CHD3: variants seen among roughly 807,000 people sequenced by gnomAD.
The protein encoded by CHD3 is ATP-dependent chromatin remodeler CHD3.
CHD3 carries 52 observed loss-of-function variants against 248.9 expected under a neutral mutation model. The observed-to-expected ratio is 0.21, with a 90% confidence interval of 0.17 to 0.26. The LOEUF is 0.26. CHD3 is among the 10% of genes least tolerant of loss of function. The pLI is 1.00. For synonymous variants in CHD3, 985 were observed against 985.2 expected (o/e 1.00, Z 0.00); for missense variants, 1,482 against 2,605.8 (o/e 0.57, Z 9.39).
At chr17:7,887,822 T>C (rs1968205264), upstream of CHD3, among the ~76,000 whole-genome samples, 1 of 152,232 alleles carries the variant, frequency 6.6e-6, no homozygotes, top group African/African-American at 2.4e-5. Context: ...CAGGCCAGCA[T>C]TGAGTGGCTG....
At position 7,901,188 on chromosome 17, in the gene CHD3, A is replaced by T. The variant is rs1970255910; in HGVS notation, c.3121-56A>T. ...ATCTGGCCTTCTAGGTGTGGCAAGA[A>T]TATGGGGGCATGTTTCCAACTGACC... On this transcript the variant is annotated intron_variant, in intron 19 of 39. Transcript: ENST00000330494. The T allele has an allele frequency of 1.4e-5, 22 of 1,551,746 alleles. No homozygotes were observed. The South Asian group carries it at 1.5e-4, about 10-fold the overall frequency.
chr17:7,890,296 T>C (rs1432896345), intron 2 of CHD3: 1 of 291,616 alleles, frequency 3.4e-6, no homozygotes, highest in Non-Finnish European at 6.4e-6. Context: ...CCGGGCGCGG[T>C]GGTACGTCTG....
rs778672721 is a variant in CHD3, at chr17:7,889,070, C to T, written c.70C>T (p.Pro24Ser). Reference sequence around the variant, plus strand: ...TGACCAGCTGAGGATTTCTTTTCCTCCAGGACTGTGTTGGGGTGACAGGAT... The same window carrying T: ...TGACCAGCTGAGGATTTCTTTTCCTTCAGGACTGTGTTGGGGTGACAGGAT... ...KNDQLRISFP[P>S]GLCWGDRMPD... Residue 24 changes from proline (P) to serine (S), a missense_variant, in exon 1 of 40, where the codon CCA becomes TCA. Pro to Ser is a moderately conservative substitution (Grantham distance 74). This residue lies in a region of CHD3 where 169 missense variants were observed against 168.1 expected (regional missense o/e 1.01). Transcript: ENST00000330494. This position sits in a 1 kb window ranked among gnomAD's most constrained non-coding sequence, Gnocchi z 4.5. The T allele has an allele frequency of 2.0e-5, 32 of 1,614,208 alleles. No homozygotes were observed. The highest frequency in any genetic ancestry group is 5.5e-5 in the South Asian group (5 of 91,088).
At chr17:7,885,008 C>G (rs1331959018), upstream of CHD3, 6 of 1,238,384 alleles carry the variant, frequency 4.8e-6, no homozygotes, top group Non-Finnish European at 6.1e-6. Flanking sequence ...CCACAGCCCC[C>G]CCGGCTGCCA....
rs1969801749 is a variant in CHD3, at chr17:7,897,278, C to T, written c.1903C>T (p.Arg635Cys). 2 of 1,613,572 alleles carry T rather than the reference C, an allele frequency of 1.2e-6. No homozygotes were observed. The highest frequency in any genetic ancestry group is 1.3e-5 in the African/African-American group (1 of 75,022). Residue 635 changes from arginine to cysteine, a missense_variant, in exon 11 of 40, where the codon CGC (arginine) becomes TGC (cysteine). Transcript: ENST00000330494. The surrounding 1 kb of genome is among the most constrained non-coding windows in gnomAD (Gnocchi z 4.8). ...CAAGCCAGAGTGGATGACCGTCCAC[C>T]GCATCATCAACCACAGGTGAATCCT... ...GIKPEWMTVH[R>C]IINHSVDKKG... is the part of the protein sequence containing the mutation.
chr17:7,894,177 C>T lies in CHD3; in HGVS notation c.987C>T (p.Gly329=). ...CTGAGGAATCAGACCTGGACAGTGG[C>T]AGTGTCCACAGTGCCTCAGGCCGGC... The part of the protein sequence containing the change: ...PEAEESDLDS[G]SVHSASGRPD... The change falls in exon 7 of 40, where the codon GGC becomes GGT. Residue 329 remains glycine, a synonymous_variant. Coordinates refer to ENST00000330494, the MANE Select transcript of CHD3 (RefSeq NM_001005273.3). 2.5e-6 allele frequency: 4 copies of T among 1,614,196 alleles called. No homozygotes were observed. Among genetic ancestry groups the T allele is most frequent in the African/African-American group, 1.3e-5 (1 of 75,044 alleles).
In CHD3 at chr17:7,905,027, A is replaced by G. The variant is rs1193815592; in HGVS notation, c.4073-73A>G. 2.9e-6 allele frequency: 4 copies of G among 1,365,920 alleles called. No individual in the cohort carries two copies. The highest frequency in any genetic ancestry group is 4.2e-6 in the Non-Finnish European group (4 of 955,360). The allele number at this position is 1,365,920 out of a possible 1,614,324, so 84.6% of individuals were successfully genotyped here. On this transcript the variant is annotated intron_variant, in intron 25 of 39. Transcript: ENST00000330494. The surrounding 1 kb of genome is among the most constrained non-coding windows in gnomAD (Gnocchi z 5.8). ...GACAAGTCTCGGCAGGGAGGAATCC[A>G]GCCAGAAAGGGCCTCAGCATGGGCA...
chr17:7,906,262 C>CTTGA lies in CHD3; in HGVS notation c.4358+274_4358+277dup, dbSNP rs748466322. The stretch of plus-strand genomic sequence containing the variant: ...CTGGGCTGTCCTAGCCTCACATTTA[C>CTTGA]TTGACCACAATAACCTGGCAGGAGG... On this transcript the variant is annotated intron_variant, in intron 28 of 39. Coordinates refer to ENST00000330494, the MANE Select transcript of CHD3 (RefSeq NM_001005273.3). This position sits in a 1 kb window ranked among gnomAD's most constrained non-coding sequence, Gnocchi z 5.0. 1.4e-6 allele frequency: 1 copy of CTTGA among 708,840 alleles called. No individual in the cohort carries two copies. The highest frequency in any genetic ancestry group is 2.6e-6 in the Non-Finnish European group (1 of 391,960). 43.9% of individuals were successfully genotyped at this position (708,840 alleles called of 1,614,324 possible).
Position 7,894,525 on chromosome 17 carries a change from A to G in CHD3, c.1186A>G (p.Thr396Ala). The change falls in exon 8 of 40, where the codon ACC becomes GCC. Residue 396 changes from threonine to alanine, a missense_variant. By Grantham distance (58) the Thr-to-Ala change is moderately conservative. Coordinates refer to ENST00000330494, the MANE Select transcript of CHD3 (RefSeq NM_001005273.3). ...QQGGEIILCD[T>A]CPRAYHLVCL... ...GGGTGGGGAAATTATTCTGTGTGACACCTGCCCTCGTGCCTACCACCTCGT... is the reference window on the plus strand; with the variant it reads ...GGGTGGGGAAATTATTCTGTGTGACGCCTGCCCTCGTGCCTACCACCTCGT... 6.2e-7 allele frequency: 1 copy of G among 1,614,008 alleles called. No individual in the cohort carries two copies. Among genetic ancestry groups the G allele is most frequent in the Non-Finnish European group, 8.5e-7 (1 of 1,179,982 alleles).
At chr17:7,886,022 G>T (rs1967887755), upstream of CHD3, among the ~76,000 whole-genome samples, 1 of 152,150 alleles carries the variant, frequency 6.6e-6, no homozygotes, top group South Asian at 2.1e-4. This position sits in a 1 kb window ranked among gnomAD's most constrained non-coding sequence, Gnocchi z 4.2. Context: ...CGGTGGGGGG[G>T]GTCCCCCTCT....
rs1396037305 is a variant in CHD3 at position 7,900,266 on chromosome 17, G to C, written c.2683-24G>C. On this transcript the variant is annotated intron_variant, in intron 16 of 39. Transcript: ENST00000330494. The surrounding 1 kb of genome is among the most constrained non-coding windows in gnomAD (Gnocchi z 6.5). ...TTGTCACTAATAAGCCCATTTTCCT[G>C]CCTTGCCTTGCCCCATCTTTTAGTT... 6.2e-7 allele frequency: 1 copy of C among 1,613,856 alleles called. No individual in the cohort carries two copies. The highest frequency in any genetic ancestry group is 2.2e-5 in the East Asian group (1 of 44,886).
In CHD3 at chr17:7,905,189, AC is replaced by A; in HGVS notation, c.4138+26del. The stretch of plus-strand genomic sequence containing the variant: ...AGGTGGCATCTGTGTTCCTGACTCT[AC>A]CTCACCTCTTCCCGTTTTATTTTCC... On this transcript the variant is annotated intron_variant, in intron 26 of 39. Coordinates refer to ENST00000330494, the MANE Select transcript of CHD3 (RefSeq NM_001005273.3). This position sits in a 1 kb window ranked among gnomAD's most constrained non-coding sequence, Gnocchi z 5.8. 1 of 1,605,804 alleles carries A rather than the reference AC, an allele frequency of 6.2e-7. No individual in the cohort carries two copies. Among genetic ancestry groups the A allele is most frequent in the South Asian group, 1.1e-5 (1 of 90,904 alleles).
chr17:7,890,712 A>G lies in CHD3; in HGVS notation c.355A>G (p.Lys119Glu), dbSNP rs781534324. ...AAAGGAGAAGAAGACAAAGCGGCGG[A>G]AAAAGGGGGAGGGAGATGGGGGGCA... ...EKKEKKTKRR[K>E]KGEGDGGQKQ... The change falls in exon 3 of 40, where the codon AAA becomes GAA. Residue 119 changes from lysine to glutamate, a missense_variant. This residue lies in a region of CHD3 where 169 missense variants were observed against 168.1 expected (regional missense o/e 1.01). Coordinates refer to ENST00000330494, the MANE Select transcript of CHD3 (RefSeq NM_001005273.3). The G allele has an allele frequency of 6.4e-7, 1 of 1,558,938 alleles. No homozygotes were observed. Among genetic ancestry groups the G allele is most frequent in the Admixed American group, 1.9e-5 (1 of 52,250 alleles).
Position 7,889,904 on chromosome 17 carries a change from G to C in CHD3, c.213+128G>C. On this transcript the variant is annotated intron_variant, in intron 2 of 39. Transcript: ENST00000330494. This position sits in a 1 kb window ranked among gnomAD's most constrained non-coding sequence, Gnocchi z 4.5. ...TGAAGCCAGGGAGGCTTGATCCCCC[G>C]GGCCCCCCACTTCCCTGCCACTGTT... 1 of 873,124 alleles carries C rather than the reference G, an allele frequency of 1.1e-6. No individual in the cohort carries two copies. Among genetic ancestry groups the C allele is most frequent in the Non-Finnish European group, 1.8e-6 (1 of 563,978 alleles). The allele number at this position is 873,124 out of a possible 1,614,324, so 54.1% of individuals were successfully genotyped here.
chr17:7,888,797 G>T lies in CHD3; in HGVS notation c.-204G>T, dbSNP rs1380377509. 6 of 1,419,834 alleles carry T rather than the reference G, an allele frequency of 4.2e-6. No homozygotes were observed. The highest frequency in any genetic ancestry group is 1.4e-5 in the African/African-American group (1 of 69,192). 88.0% of individuals were successfully genotyped at this position (1,419,834 alleles called of 1,614,324 possible). On this transcript the variant is annotated 5_prime_UTR_variant, in exon 1 of 40. Transcript: ENST00000330494. ...TGTGTCTGTCTGTGCCTATATCTTT[G>T]TTTGGGTCTCCCATACTGCGTATAG...
At chr17:7,891,905 G>A (rs1303205257) in intron 4 of CHD3, among the ~76,000 whole-genome samples, 13 of 150,806 alleles carry the variant, frequency 8.6e-5, no homozygotes. Flanking sequence ...ATTTTGTTTT[G>A]GGGAGAAGGC....
In CHD3 at chr17:7,904,256, A is replaced by G. The variant is rs1195514904; in HGVS notation, c.3895-186A>G. 3.2e-6 allele frequency: 2 copies of G among 632,516 alleles called. No homozygotes were observed. The highest frequency in any genetic ancestry group is 3.7e-5 in the African/African-American group (2 of 54,410). 39.2% of individuals were successfully genotyped at this position (632,516 alleles called of 1,614,324 possible). On this transcript the variant is annotated intron_variant, in intron 24 of 39. Coordinates refer to ENST00000330494, the MANE Select transcript of CHD3 (RefSeq NM_001005273.3). This position sits in a 1 kb window ranked among gnomAD's most constrained non-coding sequence, Gnocchi z 4.4. ...GAGGAGAGATTTAGAAAACATGAGG[A>G]GAGCACATTGCAGGTAAGAGATGGC...
In CHD3 at chr17:7,905,915, G is replaced by A. The variant is rs1451070613; in HGVS notation, c.4284G>A (p.Gly1428=). Residue 1428 remains glycine, a synonymous_variant, in exon 28 of 40, where the codon GGG becomes GGA. Transcript: ENST00000330494. This position sits in a 1 kb window ranked among gnomAD's most constrained non-coding sequence, Gnocchi z 5.8. The part of the protein sequence containing the change: ...KAFLNAVMRW[G]MPPQDAFTTQ... The stretch of plus-strand genomic sequence containing the variant: ...TCCTCAATGCTGTGATGCGCTGGGG[G>A]ATGCCACCACAGGATGCCTTCACCA... The A allele has an allele frequency of 6.8e-6, 11 of 1,614,082 alleles. No individual in the cohort carries two copies. The Admixed American group carries it at 1.7e-4, about 24-fold the overall frequency.
chr17:7,893,997 G>A (rs1177254100), intron 6 of CHD3, 62 bp downstream of exon 6: 5 of 1,567,854 alleles, frequency 3.2e-6, no homozygotes, highest in Middle Eastern at 1.8e-4. Flanking sequence ...ACAGGGATCC[G>A]TGAGGGCCAA....
Sources: gnomAD v4.1 joint callset for allele counts (sites outside exome capture counted in the v4.1 genomes callset) on GRCh38, gnomAD v4.1.1 for gene constraint, gnomAD v4.1.1 regional missense constraint, Gnocchi (gnomAD v3.1) non-coding constraint, MANE v1.5 for transcripts, NCBI Gene and HGNC (gene_info 2026-07-23, HGNC 2026-07-21) for gene names.